Variants in BPIFB3 observed in about 807,000 individuals in gnomAD.
BPIFB3 encodes BPI fold containing family B member 3.
Under a neutral mutation model 53.1 loss-of-function variants are expected in BPIFB3, and 49 were observed. That is an observed-to-expected ratio of 0.92 (90% CI 0.73 to 1.17). The LOEUF (loss-of-function observed/expected upper bound fraction) is 1.17. Among genes scored for constraint, BPIFB3 ranks in the 50% most tolerant of loss-of-function variants. The pLI is 0.00. For synonymous variants in BPIFB3, 271 were observed against 269.6 expected (o/e 1.01, Z -0.05); for missense variants, 628 against 592.5 (o/e 1.06, Z -0.62).
At chr20:33,072,254 G>T in intron 13 of BPIFB3, 87 bp downstream of exon 14, 1 of 1,362,648 alleles carries the variant, frequency 7.3e-7, no homozygotes, top group Non-Finnish European at 1.0e-6. Context: ...GTTCTGATGG[G>T]GACACTGAGG....
intron 6 of BPIFB3, 77 bp from the exon 8 acceptor site, chr20:33,064,380 C>A: frequency 8.4e-7 from 1 of 1,193,104 alleles, no homozygotes; most frequent in Non-Finnish European, 1.2e-6. Context: ...AGCAGACACT[C>A]AATAAATGGA....
rs1185207514 is a variant in BPIFB3, at chr20:33,071,233, A to G, written c.1218-20A>G. 8 of 1,557,440 alleles carry G rather than the reference A, an allele frequency of 5.1e-6. No homozygotes were observed. The highest frequency in any genetic ancestry group is 1.2e-5 in the South Asian group (1 of 84,438). ...GGTTGGGGGTAGCGGGGGCCCCAGCATCTCTCTTCTCTCCACCAGGCTCAG... is the reference window on the plus strand; with the variant it reads ...GGTTGGGGGTAGCGGGGGCCCCAGCGTCTCTCTTCTCTCCACCAGGCTCAG... On this transcript the variant is annotated intron_variant, in intron 11 of 14. Transcript: ENST00000375494.
At chr20:33,063,632 C>T (rs760169106) in exon 6 of BPIFB3, 1 of 1,614,082 alleles carries the variant, frequency 6.2e-7, no homozygotes, top group Non-Finnish European at 8.5e-7. Context: ...CCGTGGTGGA[C>T]AGTGTGCTGG....
At chr20:33,056,433 C>A (rs183352812) in intron 1 of BPIFB3, 109 bp from the exon 3 acceptor site, 8 of 1,399,048 alleles carry the variant, frequency 5.7e-6, no homozygotes, top group Non-Finnish European at 6.9e-6. Context: ...TGGGTTAATT[C>A]CATTTTTAAA....
exon 11 of BPIFB3, chr20:33,069,925 C>T: frequency 1.2e-6 from 2 of 1,614,170 alleles, no homozygotes; most frequent in Admixed American, 1.7e-5. Context: ...CCCTCGGCTA[C>T]CAAGCTGCAC....
At chr20:33,064,766 T>A in exon 8 of BPIFB3, 1 of 1,614,070 alleles carries the variant, frequency 6.2e-7, no homozygotes, top group Non-Finnish European at 8.5e-7. Flanking sequence ...CAGGTGATGG[T>A]GCCACTGTAC....
intron 2 of BPIFB3, among the ~76,000 whole-genome samples, chr20:33,056,917 T>C (rs993573462): frequency 6.6e-6 from 1 of 152,166 alleles, no homozygotes; most frequent in Admixed American, 6.5e-5. Context: ...TCAACACTAG[T>C]TACTCACTGT....
At chr20:33,071,220 CG>C in intron 11 of BPIFB3, 32 bp from the exon 13 acceptor site, 1 of 877,066 alleles carries the variant, frequency 1.1e-6, no homozygotes, top group South Asian at 2.4e-5. Flanking sequence ...TTGGGGGTAG[CG>C]GGGGCCCCAG....
At chr20:33,072,460 C>T (rs1178330231) in intron 13 of BPIFB3, among the ~76,000 whole-genome samples, 2 of 152,138 alleles carry the variant, frequency 1.3e-5, no homozygotes, top group Admixed American at 1.3e-4. Flanking sequence ...ATATAGATGA[C>T]CCAGAGTGTG....
intron 7 of BPIFB3, 28 bp downstream of exon 8, chr20:33,064,576 T>G (rs1252784710): frequency 6.2e-7 from 1 of 1,612,590 alleles, no homozygotes; most frequent in South Asian, 1.1e-5. Context: ...CCTCTCCTCC[T>G]GCTGGGGGTG....
chr20:33,069,442 C>T (rs1356052713), intron 10 of BPIFB3, among the ~76,000 whole-genome samples: 2 of 152,174 alleles, frequency 1.3e-5, no homozygotes, highest in Admixed American at 1.3e-4. Flanking sequence ...CCCATCCTTG[C>T]CTTGCCCGTC....
intron 1 of BPIFB3, among the ~76,000 whole-genome samples, chr20:33,055,988 C>G (rs1009558575): frequency 2.0e-5 from 3 of 152,256 alleles, no homozygotes; most frequent in African/African-American, 7.2e-5. Flanking sequence ...TTCAGAGAGG[C>G]CCCCTGGCCT....
At chr20:33,070,738 T>C (rs1163877990) in intron 11 of BPIFB3, among the ~76,000 whole-genome samples, 2 of 152,250 alleles carry the variant, frequency 1.3e-5, no homozygotes, top group African/African-American at 4.8e-5. Context: ...CTTCCATTGT[T>C]GCCCCATTGC....
At chr20:33,061,947 C>A in intron 5 of BPIFB3, 116 bp downstream of exon 6, 5 of 1,225,962 alleles carry the variant, frequency 4.1e-6, no homozygotes, top group Non-Finnish European at 5.8e-6. Flanking sequence ...CCCTTCCACA[C>A]CCACCTGGTA....
At chr20:33,062,112 C>T (rs1057019328) in intron 5 of BPIFB3, among the ~76,000 whole-genome samples, 5 of 151,914 alleles carry the variant, frequency 3.3e-5, no homozygotes, top group African/African-American at 4.8e-5. Context: ...GTATTAGTAC[C>T]AACTTTATGT....
intron 13 of BPIFB3, among the ~76,000 whole-genome samples, chr20:33,072,377 G>A (rs902276664): frequency 1.3e-5 from 2 of 152,116 alleles, no homozygotes; most frequent in Non-Finnish European, 2.9e-5. Flanking sequence ...GACTTCAAGC[G>A]CTGATCTGAC....
At chr20:33,072,851 C>T (rs1980965939) in intron 14 of BPIFB3, 58 bp downstream of exon 15, 1 of 1,351,108 alleles carries the variant, frequency 7.4e-7, no homozygotes, top group Non-Finnish European at 1.1e-6. Flanking sequence ...CTGGAAAGCT[C>T]TGCTTGAAAC....
chr20:33,062,674 C>A (rs1477357669), intron 5 of BPIFB3, among the ~76,000 whole-genome samples: 2 of 152,200 alleles, frequency 1.3e-5, no homozygotes, highest in African/African-American at 4.8e-5. Flanking sequence ...CATTCATTGC[C>A]AACATTCAGC....
At chr20:33,054,811 G>A (rs1220710340), upstream of BPIFB3, among the ~76,000 whole-genome samples, 1 of 152,226 alleles carries the variant, frequency 6.6e-6, no homozygotes, top group Non-Finnish European at 1.5e-5. Context: ...TAGCAGATTA[G>A]CCATGCCCCC....
Sources: gnomAD v4.1 joint callset for allele counts (sites outside exome capture counted in the v4.1 genomes callset) on GRCh38, gnomAD v4.1.1 for gene constraint, MANE v1.5 for transcripts, NCBI Gene and HGNC (gene_info 2026-07-23, HGNC 2026-07-21) for gene names.